Variants in B9D1 observed in about 807,000 individuals in gnomAD.
B9D1 encodes the protein B9 domain-containing protein 1.
Under a neutral mutation model 26.1 loss-of-function variants are expected in B9D1, and 20 were observed. The observed-to-expected ratio is 0.77, with a 90% CI of 0.54 to 1.12. The LOEUF is 1.12. Among genes scored for constraint, B9D1 ranks in the 50% most tolerant of loss-of-function variants. B9D1 has a pLI of 0.00. For synonymous variants in B9D1, 105 were observed against 103.1 expected (o/e 1.02, Z -0.11); for missense variants, 260 against 273.7 (o/e 0.95, Z 0.35).
At chr17:19,353,327 C>T (rs943575459) in intron 3 of B9D1, among the ~76,000 whole-genome samples, 1 of 152,088 alleles carries the variant, frequency 6.6e-6, no homozygotes, top group African/African-American at 2.4e-5. Context: ...CTATTTTCTT[C>T]TCTAACATGC....
At chr17:19,362,739 G>T, upstream of B9D1, 1 of 1,520,746 alleles carries the variant, frequency 6.6e-7, no homozygotes, top group Non-Finnish European at 8.8e-7. Flanking sequence ...CGCAGTGAAC[G>T]GGCGCCGTTA....
chr17:19,335,294 G>T, downstream of B9D1: 1 of 1,104,940 alleles, frequency 9.1e-7, no homozygotes, highest in Non-Finnish European at 1.3e-6. Flanking sequence ...TAGATCCTGA[G>T]AGGCTATTTT....
upstream of B9D1, among the ~76,000 whole-genome samples, chr17:19,363,489 C>T (rs1016390666): frequency 1.2e-4 from 18 of 152,328 alleles, no homozygotes; most frequent in African/African-American, 4.1e-4. Context: ...GAGGAGGAAA[C>T]AGATTCAGAT....
At chr17:19,345,221 A>AGTGGGCAGAGGCCATGAG (rs564727156) in intron 5 of B9D1, among the ~76,000 whole-genome samples, 156 of 152,286 alleles carry the variant, frequency 1.0e-3, no homozygotes, top group Middle Eastern at 0.01. Context: ...ATGGGAAGCA[A>AGTGGGCAGAGGCCATGAG]GTGGGCAGAG....
In B9D1 at chr17:19,370,448, CTG is replaced by C. The variant is rs1911838204; in HGVS notation, c.-298+7409_-298+7410del. On this transcript the variant is annotated intron_variant, in intron 1 of 5. Coordinates refer to the B9D1 transcript ENST00000477478. This position sits in a 1 kb window ranked among gnomAD's most constrained non-coding sequence, Gnocchi z 5.1. Reference sequence around the variant, plus strand: ...GTGGTTGACATCTCGATGACATGTGCTGTGTGTGTCCCTCACAGACTTGGGAT... The same window carrying C: ...GTGGTTGACATCTCGATGACATGTGCTGTGTGTCCCTCACAGACTTGGGAT... Among the ~76,000 whole-genome samples the C allele has an allele frequency of 6.6e-6, 1 of 152,160 alleles. No individual in the cohort carries two copies. Among genetic ancestry groups the C allele is most frequent in the African/African-American group, 2.4e-5 (1 of 41,432 alleles).
At chr17:19,358,087 A>G (rs1910589534) in intron 2 of B9D1, 136 bp from the exon 3 acceptor site, 1 of 709,008 alleles carries the variant, frequency 1.4e-6, no homozygotes, top group East Asian at 2.7e-5. Context: ...TTCCAAACAA[A>G]GGGGACTAAG....
At chr17:19,373,715 C>T (rs970014643) in intron 1 of B9D1, among the ~76,000 whole-genome samples, 3 of 152,046 alleles carry the variant, frequency 2.0e-5, no homozygotes, top group Admixed American at 6.6e-5. Flanking sequence ...TTAGTAGAGA[C>T]AGGGTTTCAT....
chr17:19,346,868 T>C, intron 5 of B9D1: 6 of 1,379,050 alleles, frequency 4.4e-6, no homozygotes, highest in Non-Finnish European at 5.7e-6. Context: ...TCTGCGCAAA[T>C]GTCAGCTCCG....
chr17:19,336,254 A>T (rs999611648), downstream of B9D1: 3 of 151,724 alleles, frequency 2.0e-5, no homozygotes, highest in African/African-American at 7.3e-5. Flanking sequence ...CTGCCGGGGG[A>T]AGGGTGGGGA....
At chr17:19,362,952 G>T (rs1020814241), upstream of B9D1, 8 of 363,972 alleles carry the variant, frequency 2.2e-5, no homozygotes, top group African/African-American at 1.7e-4. Flanking sequence ...AGAGGCGAAT[G>T]AGAGCTGAGT....
downstream of B9D1, among the ~76,000 whole-genome samples, chr17:19,342,065 C>A (rs1908028860): frequency 6.6e-6 from 1 of 152,076 alleles, no homozygotes; most frequent in Admixed American, 6.5e-5. Flanking sequence ...GAGGTGAAGA[C>A]AGACTGTTCC....
At chr17:19,350,834 ATTTTTTTTTTC>A (rs995998959) in intron 3 of B9D1, among the ~76,000 whole-genome samples, 12 of 143,976 alleles carry the variant, frequency 8.3e-5, no homozygotes, top group Non-Finnish European at 1.4e-4. Flanking sequence ...GATGATCATG[ATTTTTTTTTTC>A]TTTTTTTTTT....
At chr17:19,365,437 C>T (rs994082636), upstream of B9D1, among the ~76,000 whole-genome samples, 4 of 152,196 alleles carry the variant, frequency 2.6e-5, no homozygotes, top group South Asian at 2.1e-4. The surrounding 1 kb of genome is among the most constrained non-coding windows in gnomAD (Gnocchi z 5.0). Context: ...AAGCAGTTGG[C>T]GCCTGTGAGC....
chr17:19,335,945 C>G (rs2152243400), downstream of B9D1: 1 of 152,876 alleles, frequency 6.5e-6, no homozygotes, highest in East Asian at 1.9e-4. Flanking sequence ...CCTTTTTCCA[C>G]CATGGGAATT....
At chr17:19,339,044 G>A (rs1907691070), downstream of B9D1, among the ~76,000 whole-genome samples, 1 of 152,094 alleles carries the variant, frequency 6.6e-6, no homozygotes, top group Non-Finnish European at 1.5e-5. Flanking sequence ...CTACCATGAG[G>A]CCATCTGGGA....
chr17:19,340,809 AAAGAG>A, downstream of B9D1: 1 of 147,088 alleles, frequency 6.8e-6, no homozygotes, highest in Non-Finnish European at 1.5e-5. Flanking sequence ...AAAAAAAAAA[AAAGAG>A]TTACGCATTT....
chr17:19,358,151 C>T (rs1910600684), intron 2 of B9D1, among the ~76,000 whole-genome samples, 200 bp from the exon 3 acceptor site: 2 of 152,092 alleles, frequency 1.3e-5, no homozygotes, highest in African/African-American at 2.4e-5. Flanking sequence ...GCTTGACAAC[C>T]CTGGGAGGCC....
At chr17:19,344,416 C>T in intron 5 of B9D1, 1 of 230,364 alleles carries the variant, frequency 4.3e-6, no homozygotes, top group Admixed American at 5.7e-5. Context: ...AGGGGCGGCA[C>T]ACAGCCACCA....
chr17:19,369,767 G>A (rs1911794205), intron 1 of B9D1, among the ~76,000 whole-genome samples: 1 of 152,184 alleles, frequency 6.6e-6, no homozygotes, highest in African/African-American at 2.4e-5. Flanking sequence ...AAAACACTGG[G>A]TATCCTGTAT....
Sources: allele counts gnomAD v4.1 joint callset (sites outside exome capture counted in the v4.1 genomes callset), GRCh38; gene constraint gnomAD v4.1.1; non-coding constraint Gnocchi (gnomAD v3.1); transcripts MANE v1.5; gene names NCBI Gene and HGNC (gene_info 2026-07-23, HGNC 2026-07-21).